Variants in PLEKHM2 observed in about 807,000 individuals in gnomAD.
PLEKHM2 encodes pleckstrin homology and RUN domain containing M2, also known as pleckstrin homology domain-containing family M member 2.
A neutral mutation model predicts 116.3 loss-of-function variants in PLEKHM2; 77 were observed. The observed-to-expected ratio is 0.66, with a 90% CI of 0.55 to 0.80. The LOEUF is 0.80. PLEKHM2 is among the 30% of genes least tolerant of loss of function. The pLI, the probability that PLEKHM2 is intolerant of heterozygous loss-of-function variation, is 0.00. For synonymous variants in PLEKHM2, 562 were observed against 571.0 expected (o/e 0.98, Z 0.22); for missense variants, 1,183 against 1,354.9 (o/e 0.87, Z 1.99).
upstream of PLEKHM2, among the ~76,000 whole-genome samples, chr1:15,682,450 C>T (rs1439177008): frequency 8.8e-6 from 1 of 114,246 alleles, no homozygotes. Context: ...GACTCCGCCT[C>T]AAAAAAAAAA....
chr1:15,718,693 G>T, intron 5 of PLEKHM2, 68 bp downstream of exon 5: 1 of 758,512 alleles, frequency 1.3e-6, no homozygotes. Flanking sequence ...CAGGGTGGGC[G>T]GTGGCTTCAT....
At chr1:15,715,090 G>A (rs1641417665) in intron 1 of PLEKHM2, among the ~76,000 whole-genome samples, 2 of 152,240 alleles carry the variant, frequency 1.3e-5, no homozygotes, top group Admixed American at 1.3e-4. Flanking sequence ...TTGGTGTAGG[G>A]CTTAACGTGA....
At chr1:15,694,380 C>CA (rs1243403022) in intron 1 of PLEKHM2, among the ~76,000 whole-genome samples, 32 of 151,700 alleles carry the variant, frequency 2.1e-4, no homozygotes, top group African/African-American at 7.7e-4. Flanking sequence ...AACAAACAAA[C>CA]AAAAAAACAG....
rs376688760 is a variant in PLEKHM2 at position 15,730,489 on chromosome 1, C to T, written c.2209-43C>T. The T allele has an allele frequency of 1.2e-5, 17 of 1,467,902 alleles. No homozygotes were observed. In the African/African-American group the frequency reaches 2.3e-4, roughly 19 times the overall value. 90.9% of individuals were successfully genotyped at this position (1,467,902 alleles called of 1,614,324 possible). ...TCCGGGCTCAGCCACCTGCCTGGCCCAGGCCTTACTTGCTTTGTCCCCCGT... is the reference window on the plus strand; with the variant it reads ...TCCGGGCTCAGCCACCTGCCTGGCCTAGGCCTTACTTGCTTTGTCCCCCGT... On this transcript the variant is annotated intron_variant, in intron 14 of 19. Transcript: ENST00000375799.
intron 1 of PLEKHM2, among the ~76,000 whole-genome samples, chr1:15,686,648 A>ATTTTTTTTTTTTTTTTTTTTTTTTTTT (rs1233033159): frequency 4.5e-5 from 6 of 134,232 alleles, no homozygotes; most frequent in African/African-American, 1.5e-4. Flanking sequence ...ACCCGGCTAA[A>ATTTTTTTTTTTTTTTTTTTTTTTTTTT]TTTTTTTTTT....
intron 1 of PLEKHM2, among the ~76,000 whole-genome samples, chr1:15,702,385 T>G (rs1287723396): frequency 6.6e-6 from 1 of 151,852 alleles, no homozygotes; most frequent in African/African-American, 2.4e-5. Flanking sequence ...GGAGGTGAGG[T>G]GGGTGGTAAT....
chr1:15,719,772 C>T lies in PLEKHM2; in HGVS notation c.504C>T (p.Asp168=). Residue 168 remains aspartate (D), a synonymous_variant, in exon 6 of 20, where the codon GAC becomes GAT. Transcript: ENST00000375799. The surrounding 1 kb of genome is among the most constrained non-coding windows in gnomAD (Gnocchi z 4.1). ...TAGACCTGGCCCCCTACATGCCCGA[C>T]TACTACAAACCTCAGTACCTGCTGG... is the stretch of plus-strand genomic sequence containing the variant. ...PYLDLAPYMP[D]YYKPQYLLDF... The T allele has an allele frequency of 6.2e-7, 1 of 1,613,540 alleles. No individual in the cohort carries two copies. Among genetic ancestry groups the T allele is most frequent in the Non-Finnish European group, 8.5e-7 (1 of 1,179,680 alleles).
At chr1:15,702,630 C>T (rs534353108) in intron 1 of PLEKHM2, among the ~76,000 whole-genome samples, 4 of 149,738 alleles carry the variant, frequency 2.7e-5, no homozygotes, top group African/African-American at 9.8e-5. Flanking sequence ...ATTGGTTAGG[C>T]TGGTCTCGAA....
At chr1:15,690,015 C>G (rs1016580154) in intron 1 of PLEKHM2, among the ~76,000 whole-genome samples, 6 of 151,764 alleles carry the variant, frequency 4.0e-5, no homozygotes, top group African/African-American at 1.2e-4. Flanking sequence ...TTCGGCCTCC[C>G]AAAGTGCTGG....
Position 15,728,025 on chromosome 1 carries a change from C to T in PLEKHM2, c.1761-54C>T. 1.4e-6 allele frequency: 2 copies of T among 1,450,424 alleles called. No individual in the cohort carries two copies. The highest frequency in any genetic ancestry group is 1.9e-6 in the Non-Finnish European group (2 of 1,046,644). The allele number at this position is 1,450,424 out of a possible 1,614,324, so 89.8% of individuals were successfully genotyped here. On this transcript the variant is annotated intron_variant, in intron 9 of 19. Transcript: ENST00000375799. This position sits in a 1 kb window ranked among gnomAD's most constrained non-coding sequence, Gnocchi z 5.9. The stretch of plus-strand genomic sequence containing the variant: ...CCCCTGGCTCTGGGGTGGGGTGTGG[C>T]CTCTCTCACCGCTGCCTGCCTGACA...
At chr1:15,731,091 T>C (rs944313395) in intron 15 of PLEKHM2, 101 bp from the exon 16 acceptor site, 2 of 850,200 alleles carry the variant, frequency 2.4e-6, no homozygotes, top group East Asian at 2.6e-5. Context: ...CTCAGGTTCA[T>C]GGCCGCAGCA....
At chr1:15,703,211 G>A (rs1641153702) in intron 1 of PLEKHM2, among the ~76,000 whole-genome samples, 1 of 152,238 alleles carries the variant, frequency 6.6e-6, no homozygotes, top group Non-Finnish European at 1.5e-5. Context: ...GCCAGGCCGG[G>A]CCGGGCAAGG....
rs200301672 is a variant in PLEKHM2, at chr1:15,685,541, G to GAAAAAA, written c.60+937_60+942dup. Among the ~76,000 whole-genome samples the GAAAAAA allele has an allele frequency of 9.9e-3, 726 of 73,260 alleles. 8 individuals are homozygous for GAAAAAA. Among genetic ancestry groups the GAAAAAA allele is most frequent in the African/African-American group, 0.023 (521 of 22,768 alleles). The allele number at this position is 73,260 out of a possible 152,430, so 48.1% of individuals were successfully genotyped here. ...GGCTCACCAGATAGTCTCAGAAACT[G>GAAAAAA]AAAAAAAAAAAAAAAAAAAGAAAGA... On this transcript the variant is annotated intron_variant, in intron 1 of 19. Transcript: ENST00000375799.
intron 1 of PLEKHM2, among the ~76,000 whole-genome samples, chr1:15,703,452 GC>G (rs1176232532): frequency 2.0e-5 from 3 of 152,196 alleles, no homozygotes; most frequent in African/African-American, 7.2e-5. Context: ...AATCCAGATC[GC>G]CCCTCTTTTG....
At chr1:15,717,794 C>G in intron 3 of PLEKHM2, 99 bp from the exon 4 acceptor site, 1 of 748,756 alleles carries the variant, frequency 1.3e-6, no homozygotes, top group Non-Finnish European at 2.3e-6. Context: ...GTGCCTGGTC[C>G]CATTACCTGC....
At chr1:15,691,582 G>C (rs1003492993) in intron 1 of PLEKHM2, among the ~76,000 whole-genome samples, 1 of 152,104 alleles carries the variant, frequency 6.6e-6, no homozygotes, top group Admixed American at 6.6e-5. Flanking sequence ...GTGCCTCACC[G>C]GCGTCGGCTC....
chr1:15,728,675 C>T lies in PLEKHM2; in HGVS notation c.1928C>T (p.Thr643Ile). Residue 643 changes from threonine (T) to isoleucine (I), a missense_variant, in exon 12 of 20, where the codon ACA becomes ATA. Physicochemically the swap from Thr to Ile is moderately conservative, Grantham distance 89. Around this residue, in one of 3 missense-constraint regions of PLEKHM2, gnomAD observed 594 missense variants for 720.1 expected, o/e 0.82. Coordinates refer to ENST00000375799, the MANE Select transcript of PLEKHM2 (RefSeq NM_015164.4). This position sits in a 1 kb window ranked among gnomAD's most constrained non-coding sequence, Gnocchi z 5.9. ...TTGGGGTTTCCTCTCTCAGGGGCCA[C>T]AGAGAAGCCATACCTGGTGGAAGAG... ...CYVYLLRKGA[T>I]EKPYLVEEAV... is the part of the protein sequence containing the mutation. 6.2e-7 allele frequency: 1 copy of T among 1,610,152 alleles called. No individual in the cohort carries two copies.
chr1:15,734,090 A>G lies in PLEKHM2; in HGVS notation c.*156A>G. The G allele has an allele frequency of 3.8e-6, 3 of 790,704 alleles. No homozygotes were observed. Among genetic ancestry groups the G allele is most frequent in the Non-Finnish European group, 5.8e-6 (3 of 520,902 alleles). The allele number at this position is 790,704 out of a possible 1,614,324, so 49.0% of individuals were successfully genotyped here. A position where few individuals can be genotyped will look rare whatever the true frequency, so the allele number is the denominator to read the frequency against. ...GTGTGGCTTAAGACAGGGTCCCTCCACTCCAGGGATCCAGATCAGGTGCCC... is the reference window on the plus strand; with the variant it reads ...GTGTGGCTTAAGACAGGGTCCCTCCGCTCCAGGGATCCAGATCAGGTGCCC... On this transcript the variant is annotated 3_prime_UTR_variant, in exon 20 of 20. Coordinates refer to ENST00000375799, the MANE Select transcript of PLEKHM2 (RefSeq NM_015164.4).
chr1:15,687,603 A>G (rs1255576421), intron 1 of PLEKHM2, among the ~76,000 whole-genome samples: 1 of 152,208 alleles, frequency 6.6e-6, no homozygotes, highest in Non-Finnish European at 1.5e-5. Context: ...AGGTCGTTCT[A>G]CAACACCATT....
Sources: gnomAD v4.1 joint callset for allele counts (sites outside exome capture counted in the v4.1 genomes callset) on GRCh38, gnomAD v4.1.1 for gene constraint, gnomAD v4.1.1 regional missense constraint, Gnocchi (gnomAD v3.1) non-coding constraint, MANE v1.5 for transcripts, NCBI Gene and HGNC (gene_info 2026-07-23, HGNC 2026-07-21) for gene names.